The following CDH8 variants were observed in gnomAD, a reference collection of about 807,000 sequenced individuals.
CDH8 encodes the protein cadherin-8.
Under a neutral mutation model 68.1 loss-of-function variants are expected in CDH8, and 17 were observed. That is an observed-to-expected ratio of 0.25 (90% CI 0.17 to 0.37). CDH8 has a LOEUF of 0.37. Among genes scored for constraint, CDH8 ranks in the 10% least tolerant of loss-of-function variants. CDH8 has a pLI of 1.00. For synonymous variants in CDH8, 372 were observed against 365.1 expected (o/e 1.02, Z -0.21); for missense variants, 763 against 999.3 (o/e 0.76, Z 3.19).
At chr16:61,851,641 G>T (rs965712815) in intron 4 of CDH8, among the ~76,000 whole-genome samples, 1 of 150,700 alleles carries the variant, frequency 6.6e-6, no homozygotes, top group Admixed American at 6.7e-5. Context: ...GGTATTGGGG[G>T]TGGCAGGGAG....
At chr16:61,740,481 C>A (rs1959840745) in intron 8 of CDH8, among the ~76,000 whole-genome samples, 1 of 152,026 alleles carries the variant, frequency 6.6e-6, no homozygotes, top group Non-Finnish European at 1.5e-5. Context: ...AGAATGAACG[C>A]ACCCATGTAA....
At chr16:61,838,605 TAC>T (rs1962617113) in intron 4 of CDH8, among the ~76,000 whole-genome samples, 1 of 152,130 alleles carries the variant, frequency 6.6e-6, no homozygotes, top group Non-Finnish European at 1.5e-5. Context: ...CTTCTTACAA[TAC>T]AAAGAATGCA....
intron 10 of CDH8, among the ~76,000 whole-genome samples, chr16:61,670,234 C>T (rs1963764028): frequency 6.6e-6 from 1 of 151,980 alleles, no homozygotes; most frequent in South Asian, 2.1e-4. Flanking sequence ...TTACTGCTTC[C>T]TTTTGGGAAG....
intron 1 of CDH8, among the ~76,000 whole-genome samples, chr16:62,034,074 G>C (rs952534314): frequency 6.6e-6 from 1 of 152,080 alleles, no homozygotes; most frequent in Non-Finnish European, 1.5e-5. Flanking sequence ...TGATTATGGA[G>C]AACTCCCTTT....
intron 2 of CDH8, among the ~76,000 whole-genome samples, chr16:62,016,824 T>C (rs1247138750): frequency 2.0e-5 from 3 of 152,190 alleles, no homozygotes; most frequent in East Asian, 3.9e-4. Context: ...CTGAAGATAG[T>C]TGGAAGACAA....
At chr16:61,826,423 C>T (rs972769475) in intron 4 of CDH8, among the ~76,000 whole-genome samples, 2 of 151,708 alleles carry the variant, frequency 1.3e-5, no homozygotes, top group African/African-American at 2.4e-5. Flanking sequence ...TAAGATGCCC[C>T]TTCCCCATAT....
chr16:61,689,418 T>C (rs1450798418), intron 10 of CDH8, among the ~76,000 whole-genome samples: 2 of 151,946 alleles, frequency 1.3e-5, no homozygotes, highest in Non-Finnish European at 2.9e-5. Flanking sequence ...TCAGCCAAAC[T>C]CTACCCCAAA....
intron 8 of CDH8, chr16:61,743,206 A>C (rs968161775): frequency 4.6e-5 from 7 of 152,118 alleles, no homozygotes; most frequent in African/African-American, 1.7e-4. Context: ...GAGGTCTTGG[A>C]AGCTCGACTA....
At chr16:61,980,296 A>G (rs1965508645) in intron 2 of CDH8, among the ~76,000 whole-genome samples, 1 of 152,246 alleles carries the variant, frequency 6.6e-6, no homozygotes, top group Admixed American at 6.5e-5. Flanking sequence ...TCTCTGTGCC[A>G]GAATGGAGGC....
intron 8 of CDH8, among the ~76,000 whole-genome samples, chr16:61,781,888 GT>G (rs1462022510): frequency 6.6e-6 from 1 of 152,160 alleles, no homozygotes; most frequent in African/African-American, 2.4e-5. Context: ...TTCTCTTCAT[GT>G]TACAAGGAGA....
intron 10 of CDH8, among the ~76,000 whole-genome samples, chr16:61,697,072 C>T (rs1392854461): frequency 3.9e-5 from 6 of 152,034 alleles, no homozygotes; most frequent in African/African-American, 4.8e-5. Context: ...CACCTGCCCA[C>T]GAATCCTCTG....
chr16:61,821,661 C>T (rs1015948823), intron 5 of CDH8, among the ~76,000 whole-genome samples: 3 of 152,022 alleles, frequency 2.0e-5, no homozygotes, highest in African/African-American at 7.2e-5. Flanking sequence ...ATGAAACACT[C>T]CTCTTGTTGC....
At chr16:61,809,536 A>G (rs564029946) in intron 7 of CDH8, among the ~76,000 whole-genome samples, 1 of 152,332 alleles carries the variant, frequency 6.6e-6, no homozygotes. Context: ...CCACCATGGC[A>G]CAAGTATACC....
Position 61,949,681 on chromosome 16 carries a change from T to C in CDH8, c.253-48208A>G, listed in dbSNP as rs192222920. Reference sequence around the variant, plus strand: ...ACCTTATAGGATATGCTTGGGAAAATGTTACAGTTAAGACATTTTGGCTGG... The same window carrying C: ...ACCTTATAGGATATGCTTGGGAAAACGTTACAGTTAAGACATTTTGGCTGG... On this transcript the variant is annotated intron_variant, in intron 2 of 11. Coordinates refer to ENST00000577390, the MANE Select transcript of CDH8 (RefSeq NM_001796.5). Among the ~76,000 whole-genome samples, 25 of 151,766 alleles carry C rather than the reference T, an allele frequency of 1.6e-4. No homozygotes were observed. In the East Asian group the frequency reaches 4.7e-3, roughly 28 times the overall value.
At chr16:61,909,101 A>T (rs1341383691) in intron 2 of CDH8, among the ~76,000 whole-genome samples, 2 of 152,164 alleles carry the variant, frequency 1.3e-5, no homozygotes, top group African/African-American at 2.4e-5. Flanking sequence ...CTACGAAAAA[A>T]AAAAGAAAGA....
At chr16:61,998,909 A>G (rs931595345) in intron 2 of CDH8, among the ~76,000 whole-genome samples, 2 of 152,194 alleles carry the variant, frequency 1.3e-5, no homozygotes, top group Non-Finnish European at 2.9e-5. Flanking sequence ...GGGGAAAAAA[A>G]GGACTCAGAT....
chr16:61,777,990 G>A (rs1324693388), intron 8 of CDH8, among the ~76,000 whole-genome samples: 1 of 152,070 alleles, frequency 6.6e-6, no homozygotes, highest in African/African-American at 2.4e-5. Flanking sequence ...GAACCTGCAT[G>A]CCTATCTAAA....
In CDH8 at chr16:61,838,904, T is replaced by C. The variant is rs1053061098; in HGVS notation, c.668-13725A>G. ...TTGTTAAATGAAAAACACTAATCTTTTGTCACTAAAATGATCAAGGGATTA... is the reference window on the plus strand; with the variant it reads ...TTGTTAAATGAAAAACACTAATCTTCTGTCACTAAAATGATCAAGGGATTA... On this transcript the variant is annotated intron_variant, in intron 4 of 11. Coordinates refer to ENST00000577390, the MANE Select transcript of CDH8 (RefSeq NM_001796.5). 4.6e-5 allele frequency among the ~76,000 whole-genome samples: 7 copies of C among 152,144 alleles called. No individual in the cohort carries two copies. The East Asian group carries it at 7.7e-4, about 17-fold the overall frequency.
At chr16:61,758,258 C>T (rs959256869) in intron 8 of CDH8, among the ~76,000 whole-genome samples, 4 of 151,962 alleles carry the variant, frequency 2.6e-5, no homozygotes, top group Non-Finnish European at 5.9e-5. Flanking sequence ...GAAAATGCCC[C>T]TAGTGAATTT....
Sources: gnomAD v4.1 joint callset for allele counts (sites outside exome capture counted in the v4.1 genomes callset) on GRCh38, gnomAD v4.1.1 for gene constraint, MANE v1.5 for transcripts, NCBI Gene and HGNC (gene_info 2026-07-23, HGNC 2026-07-21) for gene names.